The following PVT1 variants were observed in gnomAD, a reference collection of about 807,000 sequenced individuals.
PVT1 encodes Pvt1 oncogene.
chr8:127,894,202 G>C (rs1450983355), intron 3 of PVT1, among the ~76,000 whole-genome samples: 1 of 152,168 alleles, frequency 6.6e-6, no homozygotes. Context: ...CCTGGAGATG[G>C]CCTGGCATCT....
chr8:127,870,200 G>GAGGGAC (rs1815336582), intron 2 of PVT1, among the ~76,000 whole-genome samples: 1 of 152,242 alleles, frequency 6.6e-6, no homozygotes, highest in Admixed American at 6.5e-5. Context: ...GAGGAGAAGA[G>GAGGGAC]AGGGACATAG....
chr8:127,947,858 A>G, intron 3 of PVT1: 2 of 456,538 alleles, frequency 4.4e-6, no homozygotes, highest in Non-Finnish European at 8.8e-6. Context: ...TTTGTGCTAT[A>G]CCCTCTTGTA....
intron 2 of PVT1, among the ~76,000 whole-genome samples, chr8:127,861,873 G>T (rs1180660241): frequency 6.6e-6 from 1 of 152,072 alleles, no homozygotes; most frequent in African/African-American, 2.4e-5. Context: ...AGTCCTGCGG[G>T]GCTTTCAGAT....
intron 2 of PVT1, among the ~76,000 whole-genome samples, chr8:127,820,272 C>T (rs1814714179): frequency 6.6e-6 from 1 of 152,196 alleles, no homozygotes; most frequent in Admixed American, 6.5e-5. Context: ...CAAACATACA[C>T]CCCTCCCAGC....
intron 2 of PVT1, among the ~76,000 whole-genome samples, chr8:127,851,017 ATT>A (rs1313456453): frequency 3.4e-5 from 5 of 148,676 alleles, no homozygotes; most frequent in Admixed American, 6.6e-5. Context: ...AAAAAAAAAA[ATT>A]AAAAAAAAAT....
intron 3 of PVT1, among the ~76,000 whole-genome samples, chr8:127,957,818 G>A (rs1038014378): frequency 1.1e-4 from 17 of 152,238 alleles, no homozygotes; most frequent in African/African-American, 4.1e-4. Context: ...CACACACAAG[G>A]TGCACACAGG....
At chr8:127,858,013 G>T (rs1473417881) in intron 2 of PVT1, among the ~76,000 whole-genome samples, 1 of 152,190 alleles carries the variant, frequency 6.6e-6, no homozygotes, top group Non-Finnish European at 1.5e-5. Flanking sequence ...AGAATCTTTG[G>T]AGTGCTGTCA....
intron 4 of PVT1, among the ~76,000 whole-genome samples, chr8:128,052,873 G>T (rs1055178557): frequency 1.3e-5 from 2 of 152,206 alleles, no homozygotes; most frequent in Non-Finnish European, 2.9e-5. Flanking sequence ...GCACACAAAG[G>T]CTAAGTAATG....
chr8:128,034,062 CTTTT>C (rs79313778), intron 4 of PVT1, among the ~76,000 whole-genome samples: 3 of 140,822 alleles, frequency 2.1e-5, no homozygotes, highest in African/African-American at 2.6e-5. Context: ...ACTTCTGCAC[CTTTT>C]TTTTTTTTTT....
At chr8:127,945,785 A>G (rs1366141541) in intron 3 of PVT1, among the ~76,000 whole-genome samples, 5 of 152,074 alleles carry the variant, frequency 3.3e-5, no homozygotes, top group Admixed American at 2.6e-4. Context: ...TGTTGTTCCC[A>G]TTCGTTCATT....
chr8:128,061,671 A>C (rs1328586642), intron 4 of PVT1, among the ~76,000 whole-genome samples: 3 of 152,220 alleles, frequency 2.0e-5, no homozygotes, highest in African/African-American at 7.2e-5. Context: ...TTAAACACAG[A>C]ACGTGACTCC....
At chr8:127,969,511 C>T (rs1816740264) in intron 3 of PVT1, among the ~76,000 whole-genome samples, 1 of 152,178 alleles carries the variant, frequency 6.6e-6, no homozygotes, top group African/African-American at 2.4e-5. Flanking sequence ...CACTGACCAT[C>T]TGGGGGCTCG....
intron 3 of PVT1, among the ~76,000 whole-genome samples, chr8:127,970,285 A>ATTTTTTTTTTTTTT (rs1321419703): frequency 3.7e-5 from 1 of 26,814 alleles, no homozygotes; most frequent in Non-Finnish European, 7.7e-5. Context: ...ATCTGCCATG[A>ATTTTTTTTTTTTTT]TTTGTTTTTT....
At chr8:127,908,935 C>T (rs1815857362) in intron 3 of PVT1, among the ~76,000 whole-genome samples, 1 of 152,200 alleles carries the variant, frequency 6.6e-6, no homozygotes, top group Non-Finnish European at 1.5e-5. Context: ...AACCCAGCTG[C>T]CGGGTCTTCA....
At chr8:128,051,872 G>A (rs190103985) in intron 4 of PVT1, among the ~76,000 whole-genome samples, 1 of 152,046 alleles carries the variant, frequency 6.6e-6, no homozygotes, top group African/African-American at 2.4e-5. Context: ...TTCTCTTTAA[G>A]TTGAGTTTCT....
intron 4 of PVT1, among the ~76,000 whole-genome samples, chr8:128,027,365 G>C (rs1813315833): frequency 6.6e-6 from 1 of 152,224 alleles, no homozygotes; most frequent in Admixed American, 6.5e-5. Context: ...ACAAGGTGGT[G>C]ATTCCCTTGG....
At chr8:128,096,813 A>G (rs1368973786) in intron 6 of PVT1, among the ~76,000 whole-genome samples, 1 of 152,212 alleles carries the variant, frequency 6.6e-6, no homozygotes. Context: ...GTCCATTGTC[A>G]TTGTCCTCAG....
chr8:127,863,472 C>T (rs1448814829), intron 2 of PVT1, among the ~76,000 whole-genome samples: 1 of 152,182 alleles, frequency 6.6e-6, no homozygotes, highest in Non-Finnish European at 1.5e-5. Context: ...CTCTTCCCTT[C>T]TGTCTTCATA....
At chr8:127,994,173 C>A (rs1476622011) in intron 4 of PVT1, among the ~76,000 whole-genome samples, 2 of 152,356 alleles carry the variant, frequency 1.3e-5, no homozygotes, top group Non-Finnish European at 2.9e-5. Flanking sequence ...CCTCTGCCCA[C>A]TCCTAGTCCC....
Sources: gnomAD v4.1 joint callset for allele counts (sites outside exome capture counted in the v4.1 genomes callset) on GRCh38, gnomAD v4.1.1 for gene constraint, MANE v1.5 for transcripts, NCBI Gene and HGNC (gene_info 2026-07-23, HGNC 2026-07-21) for gene names.